Variants in CLASP1 observed in about 807,000 individuals in gnomAD.
The protein encoded by CLASP1 is CLIP-associating protein 1.
In CLASP1, 38 loss-of-function variants were observed where a neutral mutation model predicts 192.3. The observed-to-expected ratio is 0.20, with a 90% confidence interval of 0.15 to 0.26. The LOEUF is 0.26. Among genes scored for constraint, CLASP1 ranks in the 10% least tolerant of loss-of-function variants. The pLI, the probability that CLASP1 is intolerant of heterozygous loss-of-function variation, is 1.00. For synonymous variants in CLASP1, 691 were observed against 712.8 expected, an observed-to-expected ratio of 0.97 and a Z score of 0.49; for missense variants, 1,433 against 1,932.5, an observed-to-expected ratio of 0.74 and a Z score of 4.85.
intron 19 of CLASP1, among the ~76,000 whole-genome samples, chr2:121,432,529 G>A (rs938210573): frequency 2.0e-5 from 3 of 152,098 alleles, no homozygotes; most frequent in Non-Finnish European, 4.4e-5. Flanking sequence ...CAATAACAAC[G>A]CCTGTTGAAA....
intron 25 of CLASP1, among the ~76,000 whole-genome samples, chr2:121,406,718 T>C (rs2076962281): frequency 6.6e-6 from 1 of 152,178 alleles, no homozygotes; most frequent in Admixed American, 6.5e-5. Context: ...GCCTCCGAAG[T>C]ATCTGGGATT....
chr2:121,591,466 G>C (rs1326249844), intron 2 of CLASP1, among the ~76,000 whole-genome samples: 1 of 152,118 alleles, frequency 6.6e-6, no homozygotes, highest in Non-Finnish European at 1.5e-5. Context: ...ACCCACTGCT[G>C]CGGTGTGTGG....
In CLASP1 at chr2:121,445,169, G is replaced by A. The variant is rs190339869; in HGVS notation, c.1912+2168C>T. ...GAAATTAGCTTAACATAGCATAATG[G>A]TTTTTTTGCCTTTGGAAAATAAAAC... On this transcript the variant is annotated intron_variant, in intron 19 of 39. Coordinates refer to ENST00000263710, the Ensembl canonical transcript of CLASP1. Among the ~76,000 whole-genome samples, 7 of 152,294 alleles carry A rather than the reference G, an allele frequency of 4.6e-5. No homozygotes were observed. In the East Asian group the frequency reaches 1.3e-3, roughly 29 times the overall value.
intron 1 of CLASP1, among the ~76,000 whole-genome samples, chr2:121,633,899 C>T (rs1391799681): frequency 6.6e-6 from 1 of 151,296 alleles, no homozygotes; most frequent in East Asian, 2.0e-4. Flanking sequence ...CCCCGCTACT[C>T]GGTAGGCTGA....
At chr2:121,507,543 C>A in intron 7 of CLASP1, among the ~76,000 whole-genome samples, 1 of 152,166 alleles carries the variant, frequency 6.6e-6, no homozygotes, top group Non-Finnish European at 1.5e-5. Flanking sequence ...CTTTTTGGGT[C>A]AGATACTTTG....
At chr2:121,451,749 CTCAAT>C in intron 15 of CLASP1, 36 bp downstream of exon 15, 1 of 1,509,076 alleles carries the variant, frequency 6.6e-7, no homozygotes, top group Non-Finnish European at 9.0e-7. Flanking sequence ...ACTCTAAAGG[CTCAAT>C]TCAGAGGGAA....
chr2:121,556,499 G>A (rs1012106116), intron 2 of CLASP1, among the ~76,000 whole-genome samples: 5 of 151,924 alleles, frequency 3.3e-5, no homozygotes, highest in Admixed American at 6.6e-5. Flanking sequence ...GACTCCTTCC[G>A]CTCTCTGCAC....
chr2:121,564,569 A>G (rs2059354780), intron 2 of CLASP1, among the ~76,000 whole-genome samples: 1 of 152,190 alleles, frequency 6.6e-6, no homozygotes, highest in Non-Finnish European at 1.5e-5. Flanking sequence ...CTATGGTACG[A>G]TATTTTATTC....
Position 121,626,690 on chromosome 2 carries a change from A to G in CLASP1, c.-285-20510T>C, listed in dbSNP as rs564003104. Among the ~76,000 whole-genome samples the G allele has an allele frequency of 3.3e-5, 5 of 152,156 alleles. No homozygotes were observed. The South Asian group carries it at 6.2e-4, about 19-fold the overall frequency. On this transcript the variant is annotated intron_variant, in intron 1 of 39. Coordinates refer to ENST00000263710, the Ensembl canonical transcript of CLASP1. ...TTCTCGCACTTTGGCATCCCAAAAC[A>G]CTGGGATTACAGATGTGAGCCACCG...
chr2:121,646,239 A>G (rs1380974408), intron 1 of CLASP1, among the ~76,000 whole-genome samples: 6 of 152,090 alleles, frequency 3.9e-5, no homozygotes, highest in Admixed American at 3.3e-4. Context: ...CATCCCCCCA[A>G]GTAGTTGGGA....
chr2:121,469,779 C>T, intron 9 of CLASP1, 29 bp downstream of exon 9: 1 of 1,588,972 alleles, frequency 6.3e-7, no homozygotes, highest in Non-Finnish European at 8.6e-7. Flanking sequence ...ATAGCTGACC[C>T]CAGAACGCCA....
chr2:121,555,210 G>C (rs552944561), intron 2 of CLASP1, among the ~76,000 whole-genome samples: 1 of 152,272 alleles, frequency 6.6e-6, no homozygotes, highest in South Asian at 2.1e-4. Flanking sequence ...CTGTGCTCTC[G>C]CATGCTCCCG....
In CLASP1 at chr2:121,613,629, T is replaced by TTAAA. The variant is rs200355283; in HGVS notation, c.-285-7450_-285-7449insTTTA. On this transcript the variant is annotated intron_variant, in intron 1 of 39. Coordinates refer to ENST00000263710, the Ensembl canonical transcript of CLASP1. ...AGCACATGCACAAAGCCTTTTTTTT[T>TTAAA]AAAAAAAAAAAATAGCACCTATCTC... 1.7e-4 allele frequency among the ~76,000 whole-genome samples: 26 copies of TTAAA among 148,860 alleles called. No homozygotes were observed. In the East Asian group the frequency reaches 2.0e-3, roughly 11 times the overall value.
intron 1 of CLASP1, among the ~76,000 whole-genome samples, chr2:121,632,323 T>C (rs1349023508): frequency 2.0e-5 from 3 of 152,198 alleles, no homozygotes; most frequent in Non-Finnish European, 4.4e-5. Flanking sequence ...TATCTATTTA[T>C]AGCAATGTTA....
chr2:121,352,428 G>A (rs2064637481), intron 37 of CLASP1, among the ~76,000 whole-genome samples: 1 of 152,202 alleles, frequency 6.6e-6, no homozygotes, highest in Non-Finnish European at 1.5e-5. Context: ...TCCTGCCAAA[G>A]GTAGCTCTTT....
chr2:121,531,871 A>AG (rs1018770855), intron 2 of CLASP1, among the ~76,000 whole-genome samples: 38 of 152,070 alleles, frequency 2.5e-4, no homozygotes, highest in African/African-American at 8.7e-4. Flanking sequence ...GGTCTCAAAA[A>AG]AAAAAAGAAA....
rs187958959 is a variant in CLASP1 at position 121,519,115 on chromosome 2, T to C, written c.547-3353A>G. ...AAATTACTAGCTTTAGAGTCAAATA[T>C]TAATAAGTAGACTTAAGGACCTACT... On this transcript the variant is annotated intron_variant, in intron 6 of 39. Coordinates refer to ENST00000263710, the Ensembl canonical transcript of CLASP1. Among the ~76,000 whole-genome samples the C allele has an allele frequency of 5.2e-4, 79 of 152,278 alleles. No individual in the cohort carries two copies. The Middle Eastern group carries it at 0.017, about 33-fold the overall frequency.
chr2:121,418,654 T>C, exon 23 of CLASP1: 1 of 1,613,876 alleles, frequency 6.2e-7, no homozygotes, highest in Non-Finnish European at 8.5e-7. Context: ...AGGGCTTGTA[T>C]CTCGGCTGCT....
At chr2:121,527,123 A>G (rs781455874) in intron 5 of CLASP1, among the ~76,000 whole-genome samples, 9 of 152,218 alleles carry the variant, frequency 5.9e-5, no homozygotes, top group African/African-American at 9.6e-5. Context: ...TCACCCAGCA[A>G]GTGTACTCTT....
Sources: allele counts gnomAD v4.1 joint callset (sites outside exome capture counted in the v4.1 genomes callset), GRCh38; gene constraint gnomAD v4.1.1; transcripts MANE v1.5; gene names NCBI Gene and HGNC (gene_info 2026-07-23, HGNC 2026-07-21).